The following KANSL1L variants were observed in gnomAD, a reference collection of about 807,000 sequenced individuals.
The protein encoded by KANSL1L is KAT8 regulatory NSL complex subunit 1-like protein.
In KANSL1L, 25 loss-of-function variants were observed where a neutral mutation model predicts 108.6. That is an observed-to-expected ratio of 0.23 (90% CI 0.17 to 0.32). KANSL1L has a LOEUF of 0.32. Ranked by LOEUF, KANSL1L falls within the 10% of genes least tolerant of loss-of-function variation. The pLI is 1.00. For synonymous variants in KANSL1L, 405 were observed against 395.1 expected, an observed-to-expected ratio of 1.03 and a Z score of -0.30; for missense variants, 1,137 against 1,125.7, an observed-to-expected ratio of 1.01 and a Z score of -0.14.
intron 12 of KANSL1L, among the ~76,000 whole-genome samples, chr2:210,026,013 A>G (rs1409393061): frequency 6.6e-6 from 1 of 152,224 alleles, no homozygotes; most frequent in Admixed American, 6.5e-5. Flanking sequence ...GAAGATGTTA[A>G]TATCAGATAA....
At chr2:210,128,946 T>A in intron 3 of KANSL1L, 85 bp downstream of exon 3, 1 of 1,124,962 alleles carries the variant, frequency 8.9e-7, no homozygotes, top group Non-Finnish European at 1.3e-6. Context: ...TAAAACCTTG[T>A]AACAATTATT....
chr2:210,109,049 C>G (rs1446869189), intron 3 of KANSL1L, among the ~76,000 whole-genome samples: 3 of 152,058 alleles, frequency 2.0e-5, no homozygotes, highest in Admixed American at 6.6e-5. Context: ...ATTGGTTCAT[C>G]AAAAAATTAC....
rs760240286 is a variant in KANSL1L, at chr2:210,040,525, C to T, written c.1924G>A (p.Val642Met). 4 of 1,430,592 alleles carry T rather than the reference C, an allele frequency of 2.8e-6. No homozygotes were observed. The East Asian group carries it at 9.3e-5, about 33-fold the overall frequency. 88.6% of individuals were successfully genotyped at this position (1,430,592 alleles called of 1,614,324 possible). The change falls in exon 8 of 15, where the codon GTG (valine) becomes ATG (methionine). Residue 642 changes from valine to methionine, a missense_variant and splice_region_variant. Physicochemically the swap from Val to Met is conservative, Grantham distance 21 (BLOSUM62 1). Coordinates refer to ENST00000281772, the MANE Select transcript of KANSL1L (RefSeq NM_152519.4). ...FHSVLSLPSD[V>M]PLHFHFETLL... ...GTTTCAAAGTGAAAATGAAGAGGCA[C>T]ATCTGGAAAAATAAAATAAAAAAGG...
At chr2:210,081,562 C>G (rs530838616) in intron 5 of KANSL1L, among the ~76,000 whole-genome samples, 5 of 152,306 alleles carry the variant, frequency 3.3e-5, no homozygotes, top group African/African-American at 1.2e-4. Flanking sequence ...TCTGATTAAT[C>G]TGTCTTCCTT....
chr2:210,137,609 A>G (rs1241807153), intron 2 of KANSL1L, among the ~76,000 whole-genome samples: 2 of 152,224 alleles, frequency 1.3e-5, no homozygotes, highest in East Asian at 3.8e-4. Flanking sequence ...ATTATTTTAA[A>G]TGATCCTGAT....
chr2:210,160,202 A>G (rs913171781), intron 1 of KANSL1L, among the ~76,000 whole-genome samples: 4 of 152,240 alleles, frequency 2.6e-5, no homozygotes, highest in African/African-American at 9.6e-5. Context: ...GATAAAAAGC[A>G]TGTACACAAA....
At chr2:210,057,439 C>T (rs556097356) in intron 6 of KANSL1L, among the ~76,000 whole-genome samples, 16 of 152,232 alleles carry the variant, frequency 1.1e-4, no homozygotes, top group African/African-American at 2.4e-4. Flanking sequence ...CTGTGGCTCA[C>T]GCCTGTAATC....
intron 14 of KANSL1L, 24 bp from the exon 15 acceptor site, chr2:210,023,203 T>C: frequency 6.4e-7 from 1 of 1,560,580 alleles, no homozygotes; most frequent in Non-Finnish European, 8.8e-7. Context: ...AATTTTCAGT[T>C]AAGTTTCAAC....
intron 6 of KANSL1L, among the ~76,000 whole-genome samples, chr2:210,066,618 A>G (rs1042695305): frequency 6.6e-6 from 1 of 152,090 alleles, no homozygotes; most frequent in Non-Finnish European, 1.5e-5. Context: ...GGCTCAAGTG[A>G]TCCTCCCCCA....
At position 210,153,830 on chromosome 2, in the gene KANSL1L, C is replaced by T; in HGVS notation, c.753G>A (p.Lys251=). The T allele has an allele frequency of 6.2e-7, 1 of 1,612,916 alleles. No homozygotes were observed. Among genetic ancestry groups the T allele is most frequent in the Admixed American group, 1.7e-5 (1 of 59,822 alleles). Residue 251 remains lysine (K), a synonymous_variant, in exon 2 of 15, where the codon AAG becomes AAA. Transcript: ENST00000281772. ...GCTGACCATAGTGCTTAACAACATG[C>T]TTTGCCAGGAGCATCTGCAAATGTT... The part of the protein sequence containing the change: ...TQKHLQMLLA[K]HVVKHYGQQM...
intron 1 of KANSL1L, among the ~76,000 whole-genome samples, chr2:210,170,902 C>A (rs930954957): frequency 2.0e-5 from 3 of 151,966 alleles, no homozygotes; most frequent in Admixed American, 6.6e-5. Flanking sequence ...CCCTTCCCTC[C>A]CCAGCTGCCA....
intron 2 of KANSL1L, among the ~76,000 whole-genome samples, chr2:210,149,728 A>C (rs2095289105): frequency 6.6e-6 from 1 of 152,026 alleles, no homozygotes; most frequent in African/African-American, 2.4e-5. Flanking sequence ...AAGTTATGTC[A>C]TTTGCTCTCA....
intron 6 of KANSL1L, among the ~76,000 whole-genome samples, chr2:210,063,431 C>G (rs1195455154): frequency 6.6e-6 from 1 of 152,194 alleles, no homozygotes; most frequent in Non-Finnish European, 1.5e-5. Flanking sequence ...CCTTCAGACT[C>G]TAGAATGGTA....
rs569072484 is a variant in KANSL1L at position 210,067,716 on chromosome 2, C to CAAAAAA, written c.1755+7830_1755+7835dup. 1.3e-3 allele frequency among the ~76,000 whole-genome samples: 119 copies of CAAAAAA among 92,914 alleles called. 5 individuals are homozygous for CAAAAAA. The highest frequency in any genetic ancestry group is 5.1e-3 in the African/African-American group (111 of 21,738). The allele number at this position is 92,914 out of a possible 152,430, so 61.0% of individuals were successfully genotyped here. A position where few individuals can be genotyped will look rare whatever the true frequency, so the allele number is the denominator to read the frequency against. ...GAGTGACAGAGTGAGACCCTGTCTCCAAAAAAAAAAAAAAAAAAAAAAAAA... is the reference window on the plus strand; with the variant it reads ...GAGTGACAGAGTGAGACCCTGTCTCCAAAAAAAAAAAAAAAAAAAAAAAAAAAAAAA... On this transcript the variant is annotated intron_variant, in intron 6 of 14. Coordinates refer to ENST00000281772, the MANE Select transcript of KANSL1L (RefSeq NM_152519.4).
intron 3 of KANSL1L, among the ~76,000 whole-genome samples, chr2:210,114,382 TA>T (rs1012957631): frequency 6.6e-6 from 1 of 151,592 alleles, no homozygotes; most frequent in Admixed American, 6.6e-5. Flanking sequence ...CCTTCAAAGG[TA>T]AAAAAAATTA....
At chr2:210,057,292 C>T (rs2125253568) in intron 6 of KANSL1L, among the ~76,000 whole-genome samples, 1 of 152,284 alleles carries the variant, frequency 6.6e-6, no homozygotes, top group Non-Finnish European at 1.5e-5. Context: ...ATCCCAGCTA[C>T]TCAAGAGGCT....
chr2:210,120,291 C>T (rs1169950556), intron 3 of KANSL1L, among the ~76,000 whole-genome samples: 3 of 152,158 alleles, frequency 2.0e-5, no homozygotes, highest in Non-Finnish European at 4.4e-5. Flanking sequence ...ACTCAGGAGG[C>T]TGAGGCAGGA....
intron 3 of KANSL1L, among the ~76,000 whole-genome samples, chr2:210,112,005 T>C (rs948062605): frequency 6.6e-5 from 10 of 151,962 alleles, no homozygotes; most frequent in Non-Finnish European, 2.9e-5. Flanking sequence ...GTCCTTGTGA[T>C]AGTTTGCTGA....
chr2:210,039,034 T>A (rs1212689277), intron 8 of KANSL1L, among the ~76,000 whole-genome samples: 1 of 151,976 alleles, frequency 6.6e-6, no homozygotes, highest in African/African-American at 2.4e-5. Context: ...TCTAGGCTTT[T>A]TTTAAGCTCC....
Sources: allele counts gnomAD v4.1 joint callset (sites outside exome capture counted in the v4.1 genomes callset), GRCh38; gene constraint gnomAD v4.1.1; transcripts MANE v1.5; gene names NCBI Gene and HGNC (gene_info 2026-07-23, HGNC 2026-07-21).